TMEM232: variants seen among roughly 807,000 people sequenced by gnomAD.
TMEM232 encodes the protein transmembrane protein 232.
A neutral mutation model predicts 78.8 loss-of-function variants in TMEM232; 80 were observed. That is an observed-to-expected ratio of 1.01 (90% CI 0.85 to 1.22). The LOEUF is 1.22. Ranked by LOEUF, TMEM232 falls within the 50% of genes most tolerant of loss-of-function variation. The probability of loss-of-function intolerance (pLI) is 0.00; values close to 1 mark genes in which losing one functional copy is unlikely to be tolerated. For missense variants in TMEM232, 881 were observed against 742.2 expected (o/e 1.19, Z -2.17); for synonymous variants, 297 against 254.3 (o/e 1.17, Z -1.60).
At chr5:110,623,565 A>G (rs1784051888) in intron 7 of TMEM232, among the ~76,000 whole-genome samples, 1 of 151,878 alleles carries the variant, frequency 6.6e-6, no homozygotes, top group Non-Finnish European at 1.5e-5. Context: ...GGTGAGAGAG[A>G]TGGGTATTGA....
chr5:110,567,351 A>G (rs926872694), intron 11 of TMEM232, among the ~76,000 whole-genome samples: 5 of 151,736 alleles, frequency 3.3e-5, no homozygotes, highest in African/African-American at 1.2e-4. Context: ...ACATGGTTAT[A>G]GCATGTATGT....
intron 2 of TMEM232, chr5:110,666,923 G>A (rs937994602): frequency 2.3e-5 from 4 of 177,778 alleles, no homozygotes; most frequent in Non-Finnish European, 4.7e-5. Flanking sequence ...AAATAGCAAA[G>A]GTCTTAGAAC....
chr5:110,508,308 C>T (rs1040785575), intron 12 of TMEM232, among the ~76,000 whole-genome samples: 1 of 151,616 alleles, frequency 6.6e-6, no homozygotes, highest in Non-Finnish European at 1.5e-5. Flanking sequence ...ATGGATATGA[C>T]AATTTATTAA....
At chr5:110,520,027 A>C (rs1581046170) in intron 12 of TMEM232, among the ~76,000 whole-genome samples, 1 of 147,016 alleles carries the variant, frequency 6.8e-6, no homozygotes, top group East Asian at 2.0e-4. Context: ...TAATGGTTTT[A>C]TATATTTATG....
chr5:110,662,302 G>A (rs1789908250), intron 2 of TMEM232, among the ~76,000 whole-genome samples: 1 of 151,990 alleles, frequency 6.6e-6, no homozygotes, highest in Non-Finnish European at 1.5e-5. Flanking sequence ...ACTGCTATGA[G>A]AATGCTGGAC....
chr5:110,431,551 A>G (rs1165552709), intron 12 of TMEM232, among the ~76,000 whole-genome samples: 1 of 151,756 alleles, frequency 6.6e-6, no homozygotes, highest in Non-Finnish European at 1.5e-5. Flanking sequence ...TCAATAAAAA[A>G]TGATAAGGCA....
chr5:110,555,031 T>C (rs999728375), intron 11 of TMEM232, among the ~76,000 whole-genome samples: 1 of 152,284 alleles, frequency 6.6e-6, no homozygotes, highest in Middle Eastern at 3.4e-3. Context: ...TCAGCTCTTA[T>C]TTTGGTTATT....
intron 11 of TMEM232, among the ~76,000 whole-genome samples, chr5:110,533,158 C>G (rs113591470): frequency 6.6e-6 from 1 of 152,152 alleles, no homozygotes; most frequent in African/African-American, 2.4e-5. Flanking sequence ...CTGGACTGAC[C>G]CTGACATCCA....
chr5:110,625,266 C>A lies in TMEM232; in HGVS notation c.768+1G>T. On this transcript the variant is annotated splice_donor_variant, in intron 7 of 13. Coordinates refer to ENST00000455884, the MANE Select transcript of TMEM232 (RefSeq NM_001039763.4). LOFTEE classifies it high-confidence loss of function. ...TATACCCACCATACCAGATTACTCA[C>A]CATATCAGAATCTGTGTTCTCATAT... 6.5e-7 allele frequency: 1 copy of A among 1,529,862 alleles called. No homozygotes were observed. Among genetic ancestry groups the A allele is most frequent in the Non-Finnish European group, 8.8e-7 (1 of 1,136,772 alleles). The allele number at this position is 1,529,862 out of a possible 1,614,324, so 94.8% of individuals were successfully genotyped here.
At position 110,638,255 on chromosome 5, in the gene TMEM232, C is replaced by A; in HGVS notation, c.444G>T (p.Leu148=). 4 of 1,550,734 alleles carry A rather than the reference C, an allele frequency of 2.6e-6. No individual in the cohort carries two copies. Among genetic ancestry groups the A allele is most frequent in the Non-Finnish European group, 3.5e-6 (4 of 1,146,538 alleles). ...ATGTTTTGAGGGATGCATCACAACA[C>A]AGTCTGTATAAAACCGATTCCGCAA... ...FFVAESVLYR[L]CCDASLKTYL... is the part of the protein sequence containing the mutation. The change falls in exon 5 of 14, where the codon CTG becomes CTT. Residue 148 remains leucine, a synonymous_variant. Transcript: ENST00000455884.
At chr5:110,705,003 T>A (rs1451536760) in intron 1 of TMEM232, among the ~76,000 whole-genome samples, 2 of 152,040 alleles carry the variant, frequency 1.3e-5, no homozygotes, top group African/African-American at 4.8e-5. Context: ...GATTACTTGG[T>A]GAACAAGGAT....
intron 1 of TMEM232, among the ~76,000 whole-genome samples, chr5:110,674,559 C>T (rs1010203644): frequency 2.0e-5 from 3 of 151,994 alleles, no homozygotes; most frequent in Non-Finnish European, 4.4e-5. Flanking sequence ...TTTATGTAAA[C>T]CATAAAGAAG....
At chr5:110,732,308 C>G (rs1483870978) in intron 2 of TMEM232, among the ~76,000 whole-genome samples, 1 of 152,208 alleles carries the variant, frequency 6.6e-6, no homozygotes, top group Non-Finnish European at 1.5e-5. Flanking sequence ...TGCCTATTAC[C>G]CAGTTCCAAA....
upstream of TMEM232, among the ~76,000 whole-genome samples, chr5:110,728,906 T>C (rs932547475): frequency 4.0e-5 from 6 of 151,346 alleles, no homozygotes; most frequent in Non-Finnish European, 8.8e-5. Flanking sequence ...TTTTTTGAGA[T>C]GAAGTCTCGC....
At chr5:110,617,448 A>T (rs1440767752) in intron 8 of TMEM232, among the ~76,000 whole-genome samples, 1 of 152,154 alleles carries the variant, frequency 6.6e-6, no homozygotes, top group Non-Finnish European at 1.5e-5. Flanking sequence ...AATGATAAGG[A>T]TGTGAGGTGA....
chr5:110,452,227 AAAT>A (rs1276452445), intron 12 of TMEM232, among the ~76,000 whole-genome samples: 1 of 152,188 alleles, frequency 6.6e-6, no homozygotes, highest in Admixed American at 6.5e-5. Context: ...ACAGATAATA[AAAT>A]AATAATTATA....
chr5:110,513,195 C>T (rs999642875), intron 12 of TMEM232, among the ~76,000 whole-genome samples: 1 of 152,092 alleles, frequency 6.6e-6, no homozygotes, highest in Non-Finnish European at 1.5e-5. Context: ...TATTACAAAC[C>T]GATGTACGAA....
At chr5:110,644,601 G>A (rs1453925848) in intron 2 of TMEM232, among the ~76,000 whole-genome samples, 3 of 151,278 alleles carry the variant, frequency 2.0e-5, no homozygotes, top group Non-Finnish European at 3.0e-5. Context: ...AAAACTTCTG[G>A]GATGCAGCAA....
Position 110,625,427 on chromosome 5 carries a change from G to C in TMEM232, c.608C>G (p.Ser203Cys), listed in dbSNP as rs780232064. 31 of 1,518,488 alleles carry C rather than the reference G, an allele frequency of 2.0e-5. No individual in the cohort carries two copies. In the South Asian group the frequency reaches 3.9e-4, roughly 19 times the overall value. The allele number at this position is 1,518,488 out of a possible 1,614,324, so 94.1% of individuals were successfully genotyped here. Residue 203 changes from serine to cysteine, a missense_variant, in exon 7 of 14, where the codon TCT becomes TGT. By Grantham distance (112) the Ser-to-Cys change is moderately radical. Transcript: ENST00000455884. ...LRLQPYLYAL[S>C]FSGASYHKYP... is the part of the protein sequence containing the mutation. ...CTTGTGATATGATGCTCCAGAGAAA[G>C]AAAGTGCTATTGTAAGAAAAATCAT...
Sources: gnomAD v4.1 joint callset for allele counts (sites outside exome capture counted in the v4.1 genomes callset) on GRCh38, gnomAD v4.1.1 for gene constraint, MANE v1.5 for transcripts, NCBI Gene and HGNC (gene_info 2026-07-23, HGNC 2026-07-21) for gene names.